KIR3DL1: variants seen among roughly 807,000 people sequenced by gnomAD.
KIR3DL1 encodes the protein killer cell immunoglobulin like receptor, three Ig domains and long cytoplasmic tail 1.
In KIR3DL1, 50 loss-of-function variants were observed where a neutral mutation model predicts 40.3. That is an observed-to-expected ratio of 1.24 (90% confidence interval 0.99 to 1.57). The LOEUF (loss-of-function observed/expected upper bound fraction) is 1.57. KIR3DL1 is among the 40% of genes most tolerant of loss of function. The pLI is 0.00. For synonymous variants in KIR3DL1, 257 were observed against 207.2 expected (o/e 1.24, Z -2.07); for missense variants, 661 against 559.9 (o/e 1.18, Z -1.82).
intron 5 of KIR3DL1, among the ~76,000 whole-genome samples, chr19:54,822,154 C>G (rs1169527097): frequency 6.6e-6 from 1 of 151,182 alleles, no homozygotes; most frequent in Non-Finnish European, 1.5e-5. Flanking sequence ...CCCTCAGCCC[C>G]TCAATCTTAT....
chr19:54,816,644 G>A lies in KIR3DL1; in HGVS notation c.34+110G>A. 2.1e-6 allele frequency: 3 copies of A among 1,461,772 alleles called. 1 individual carries two copies. The highest frequency in any genetic ancestry group is 2.8e-6 in the Non-Finnish European group (3 of 1,067,228). The allele number at this position is 1,461,772 out of a possible 1,614,324, so 90.6% of individuals were successfully genotyped here. On this transcript the variant is annotated intron_variant, in intron 1 of 8. Transcript: ENST00000391728. Reference sequence around the variant, plus strand: ...TTATGGGCCTAGAGGTGGAGTTATGGGCCTGAAGTGGAGATCTGGGCCTGG... The same window carrying A: ...TTATGGGCCTAGAGGTGGAGTTATGAGCCTGAAGTGGAGATCTGGGCCTGG...
At chr19:54,819,759 G>A in exon 4 of KIR3DL1, 1 of 1,610,536 alleles carries the variant, frequency 6.2e-7, no homozygotes, top group Non-Finnish European at 8.5e-7. Flanking sequence ...GTCCCCTGGT[G>A]AAATCAGGAG....
At position 54,817,691 on chromosome 19, in the gene KIR3DL1, G is replaced by A. The variant is rs1212256690; in HGVS notation, c.70+122G>A. ...AGGAAGAGGGGACCCTCGGATGCTC[G>A]GCCCACATTTCTGACCTTGCCTTCC... On this transcript the variant is annotated intron_variant, in intron 2 of 8. Coordinates refer to ENST00000391728, the Ensembl canonical transcript of KIR3DL1. The A allele has an allele frequency of 2.0e-5, 16 of 796,054 alleles. 1 individual carries two copies. Among genetic ancestry groups the A allele is most frequent in the East Asian group, 7.1e-5 (2 of 28,002 alleles). 49.3% of individuals were successfully genotyped at this position (796,054 alleles called of 1,614,324 possible).
chr19:54,818,230 G>A (rs1489647472), intron 2 of KIR3DL1, 85 bp from the exon 3 acceptor site: 1 of 1,466,020 alleles, frequency 6.8e-7, no homozygotes, highest in East Asian at 2.3e-5. Context: ...CTTAGAAAGT[G>A]GAAATGGGGA....
intron 4 of KIR3DL1, among the ~76,000 whole-genome samples, chr19:54,820,598 C>T: frequency 6.6e-6 from 1 of 151,394 alleles, no homozygotes; most frequent in South Asian, 2.1e-4. Context: ...AATAATCCCA[C>T]ATATGATAGG....
exon 3 of KIR3DL1, chr19:54,818,399 G>T: frequency 6.2e-7 from 1 of 1,606,446 alleles, no homozygotes. Flanking sequence ...TGTCACTATC[G>T]TCATAGGTTT....
chr19:54,822,158 A>T lies in KIR3DL1; in HGVS notation c.949+300A>T, dbSNP rs1013684580. Among the ~76,000 whole-genome samples, 6 of 151,118 alleles carry T rather than the reference A, an allele frequency of 4.0e-5. 1 individual carries two copies. Among genetic ancestry groups the T allele is most frequent in the South Asian group, 4.2e-4 (2 of 4,710 alleles). On this transcript the variant is annotated intron_variant, in intron 5 of 8. Coordinates refer to ENST00000391728, the Ensembl canonical transcript of KIR3DL1. ...GATCAGAGGTTCCCTCAGCCCCTCA[A>T]TCTTATCCATTTCCCAGAAGCCCAT... is the stretch of plus-strand genomic sequence containing the variant.
In KIR3DL1 at chr19:54,816,664, G is replaced by T. The variant is rs796318486; in HGVS notation, c.34+130G>T. ...TTATGGGCCTGAAGTGGAGATCTGG[G>T]CCTGGAGTGGAGATCTGGGCCTGGA... On this transcript the variant is annotated intron_variant, in intron 1 of 8. Coordinates refer to ENST00000391728, the Ensembl canonical transcript of KIR3DL1. 627 of 1,403,074 alleles carry T rather than the reference G, an allele frequency of 4.5e-4. 9 individuals carry two copies. In the Middle Eastern group the frequency reaches 5.7e-3, roughly 13 times the overall value. 86.9% of individuals were successfully genotyped at this position (1,403,074 alleles called of 1,614,324 possible).
chr19:54,817,496 C>T, intron 1 of KIR3DL1, 38 bp from the exon 2 acceptor site: 1 of 1,464,454 alleles, frequency 6.8e-7, no homozygotes, highest in East Asian at 2.5e-5. Flanking sequence ...CCCTGGTTTG[C>T]CTGCAGAGGG....
In KIR3DL1 at chr19:54,819,303, G is replaced by C. The variant is rs1415031594; in HGVS notation, c.356-410G>C. 1.6e-5 allele frequency among the ~76,000 whole-genome samples: 2 copies of C among 122,648 alleles called. 1 individual carries two copies. The allele number at this position is 122,648 out of a possible 152,430, so 80.5% of individuals were successfully genotyped here. On this transcript the variant is annotated intron_variant, in intron 3 of 8. Transcript: ENST00000391728. ...GATAGCCAGATGTGGTGGTGGGCAC[G>C]AGTAATCCAACGACTGGGGAGGCTG...
chr19:54,819,300 C>T (rs1227213174), intron 3 of KIR3DL1, among the ~76,000 whole-genome samples: 1 of 108,698 alleles, frequency 9.2e-6, no homozygotes, highest in African/African-American at 2.8e-5. Context: ...TGGTGGTGGG[C>T]ACGAGTAATC....
chr19:54,828,054 G>A (rs2061999691), intron 6 of KIR3DL1, among the ~76,000 whole-genome samples: 5 of 150,616 alleles, frequency 3.3e-5, no homozygotes, highest in Admixed American at 3.3e-4. Flanking sequence ...GAGGACAGGT[G>A]GTATTGAAGC....
chr19:54,818,380 ACT>A lies in KIR3DL1; in HGVS notation c.139_140del (p.Leu47SerfsTer7). 2 of 1,605,060 alleles carry A rather than the reference ACT, an allele frequency of 1.2e-6. No homozygotes were observed. The highest frequency in any genetic ancestry group is 1.7e-6 in the Non-Finnish European group (2 of 1,177,942). ...TGTGGTGCCTCGAGGAGGACACGTG[ACT>A]CTTCGGTGTCACTATCGTCATAGGT... On this transcript the variant is annotated frameshift_variant, in exon 3 of 9. Coordinates refer to ENST00000391728, the Ensembl canonical transcript of KIR3DL1. LOFTEE classifies it high-confidence loss of function.
chr19:54,818,634 C>G, intron 3 of KIR3DL1, 35 bp downstream of exon 3: 1 of 1,589,054 alleles, frequency 6.3e-7, no homozygotes, highest in Non-Finnish European at 8.5e-7. Context: ...CTCACTGTCC[C>G]ACCTCCTGAA....
intron 1 of KIR3DL1, 99 bp from the exon 2 acceptor site, chr19:54,817,435 C>A: frequency 9.5e-7 from 1 of 1,050,450 alleles, no homozygotes; most frequent in Middle Eastern, 2.1e-4. Flanking sequence ...ACCTTCAGCC[C>A]AGCAAGGGCC....
intron 7 of KIR3DL1, among the ~76,000 whole-genome samples, 155 bp downstream of exon 7, chr19:54,829,620 G>T (rs1186984720): frequency 2.8e-5 from 4 of 141,190 alleles, no homozygotes; most frequent in Non-Finnish European, 6.3e-5. Flanking sequence ...CAGACTCCCT[G>T]CCCCTGCCTT....
chr19:54,823,849 G>A (rs989147822), intron 5 of KIR3DL1, among the ~76,000 whole-genome samples: 1 of 151,596 alleles, frequency 6.6e-6, no homozygotes, highest in African/African-American at 2.4e-5. Flanking sequence ...TTTCTCTGAT[G>A]ATGAGTGATG....
At chr19:54,830,738 A>C (rs1378132221) in exon 9 of KIR3DL1, 8 of 208,640 alleles carry the variant, frequency 3.8e-5, no homozygotes, top group Non-Finnish European at 7.5e-5. Context: ...TTGTGATTTC[A>C]ATGTAGCTGT....
exon 9 of KIR3DL1, chr19:54,830,397 A>T (rs2062164592): frequency 8.5e-7 from 1 of 1,172,026 alleles, no homozygotes; most frequent in African/African-American, 1.5e-5. Flanking sequence ...ATCTTAGGGC[A>T]TCGCTCCTCC....
Sources: allele counts gnomAD v4.1 joint callset (sites outside exome capture counted in the v4.1 genomes callset), GRCh38; gene constraint gnomAD v4.1.1; transcripts MANE v1.5; gene names NCBI Gene and HGNC (gene_info 2026-07-23, HGNC 2026-07-21).